The following DLG2 variants were observed in gnomAD, a reference collection of about 807,000 sequenced individuals.
DLG2 encodes disks large homolog 2.
A neutral mutation model predicts 132.5 loss-of-function variants in DLG2; 45 were observed. That is an observed-to-expected ratio of 0.34 (90% CI 0.27 to 0.44). DLG2 has a LOEUF of 0.44. Among genes scored for constraint, DLG2 ranks in the 20% least tolerant of loss-of-function variants. The probability of loss-of-function intolerance (pLI) is 1.00; values close to 1 mark genes in which losing one functional copy is unlikely to be tolerated. For missense variants in DLG2, 1,045 were observed against 1,196.9 expected (o/e 0.87, Z 1.87); for synonymous variants, 424 against 419.6 (o/e 1.01, Z -0.13).
chr11:83,837,206 A>T (rs2056421328), intron 16 of DLG2, among the ~76,000 whole-genome samples: 1 of 152,118 alleles, frequency 6.6e-6, no homozygotes, highest in African/African-American at 2.4e-5. Context: ...GTGGAAGTTA[A>T]GCTTCTTGCT....
At chr11:84,754,596 G>T (rs917071679) in intron 6 of DLG2, among the ~76,000 whole-genome samples, 1 of 152,080 alleles carries the variant, frequency 6.6e-6, no homozygotes, top group Non-Finnish European at 1.5e-5. Context: ...GCAAAACCAC[G>T]GAGATAGCAA....
At chr11:83,573,239 G>C (rs1324557817) in intron 19 of DLG2, among the ~76,000 whole-genome samples, 1 of 152,136 alleles carries the variant, frequency 6.6e-6, no homozygotes, top group East Asian at 1.9e-4. Context: ...GATTACGAAA[G>C]AGCAATTCCA....
At chr11:84,879,550 T>C (rs1388848720) in intron 6 of DLG2, among the ~76,000 whole-genome samples, 1 of 152,034 alleles carries the variant, frequency 6.6e-6, no homozygotes, top group Non-Finnish European at 1.5e-5. Flanking sequence ...AGAGACAGGG[T>C]CAGAGGAAAA....
In DLG2 at chr11:84,169,531, T is replaced by C. The variant is rs191889802; in HGVS notation, c.574-6020A>G. Among the ~76,000 whole-genome samples, 8 of 152,292 alleles carry C rather than the reference T, an allele frequency of 5.3e-5. No individual in the cohort carries two copies. The East Asian group carries it at 9.6e-4, about 18-fold the overall frequency. On this transcript the variant is annotated intron_variant, in intron 8 of 27. Transcript: ENST00000376104. ...AATCTAAGATGCACTGCCTTGTGTATAGGAATTACCTTAGCTTTTGTTCTC... is the reference window on the plus strand; with the variant it reads ...AATCTAAGATGCACTGCCTTGTGTACAGGAATTACCTTAGCTTTTGTTCTC...
chr11:83,581,813 T>C (rs684110), intron 19 of DLG2, among the ~76,000 whole-genome samples: 109,414 of 151,962 alleles, frequency 0.72, 40,055 homozygotes, highest in African/African-American at 0.86. Flanking sequence ...TTATTGGTCC[T>C]AGCATGGAAC....
At chr11:84,037,951 C>G (rs905040919) in intron 11 of DLG2, among the ~76,000 whole-genome samples, 1 of 151,926 alleles carries the variant, frequency 6.6e-6, no homozygotes, top group African/African-American at 2.4e-5. Context: ...CATTTTTAAA[C>G]TTTGTGTTTT....
intron 6 of DLG2, among the ~76,000 whole-genome samples, chr11:84,743,174 TA>T (rs1271188520): frequency 1.3e-5 from 2 of 152,146 alleles, no homozygotes; most frequent in African/African-American, 2.4e-5. Flanking sequence ...ATATTTTACA[TA>T]ACTATAGAAC....
intron 7 of DLG2, among the ~76,000 whole-genome samples, chr11:84,441,736 A>C (rs1257976391): frequency 6.6e-6 from 1 of 152,192 alleles, no homozygotes; most frequent in East Asian, 1.9e-4. Context: ...AATAAAGTAC[A>C]ATCTTTTTCT....
At chr11:85,131,594 A>G (rs1045464591) in intron 5 of DLG2, among the ~76,000 whole-genome samples, 1 of 152,168 alleles carries the variant, frequency 6.6e-6, no homozygotes, top group Non-Finnish European at 1.5e-5. Context: ...TAAGGTATTC[A>G]TCTAATTTAG....
At chr11:83,770,041 C>G (rs1392045784) in intron 18 of DLG2, among the ~76,000 whole-genome samples, 1 of 152,166 alleles carries the variant, frequency 6.6e-6, no homozygotes, top group Non-Finnish European at 1.5e-5. Context: ...ATGACTGTTG[C>G]CTTTTAAAAC....
intron 18 of DLG2, among the ~76,000 whole-genome samples, chr11:83,743,834 C>T (rs548404727): frequency 8.5e-5 from 13 of 152,136 alleles, no homozygotes; most frequent in East Asian, 1.9e-4. Flanking sequence ...GGGGATTACA[C>T]GAATGAAAAC....
At chr11:84,151,207 T>C (rs1391323767) in intron 9 of DLG2, among the ~76,000 whole-genome samples, 1 of 152,044 alleles carries the variant, frequency 6.6e-6, no homozygotes, top group Non-Finnish European at 1.5e-5. Flanking sequence ...TGGCTTTTTT[T>C]TTTTTCTGAT....
intron 6 of DLG2, among the ~76,000 whole-genome samples, chr11:85,025,437 T>C (rs753105108): frequency 6.6e-6 from 1 of 152,224 alleles, no homozygotes; most frequent in Non-Finnish European, 1.5e-5. Flanking sequence ...TAGATGCTAA[T>C]GGTTGTAATT....
At chr11:83,643,505 A>G (rs2067199796) in intron 18 of DLG2, 1 of 152,204 alleles carries the variant, frequency 6.6e-6, no homozygotes. Context: ...CATAGTACCT[A>G]AGACTGCATC....
intron 17 of DLG2, chr11:83,789,867 T>G: frequency 2.0e-6 from 1 of 510,784 alleles, no homozygotes. Flanking sequence ...AAAAGTGAAA[T>G]AGTTATGGCA....
intron 3 of DLG2, among the ~76,000 whole-genome samples, chr11:85,488,385 T>C (rs1181574139): frequency 1.3e-5 from 2 of 150,384 alleles, no homozygotes; most frequent in Non-Finnish European, 3.0e-5. Flanking sequence ...GGAGACTGCG[T>C]CTAAAAAAAA....
intron 18 of DLG2, among the ~76,000 whole-genome samples, chr11:83,687,557 T>G (rs1363813290): frequency 6.6e-6 from 1 of 152,234 alleles, no homozygotes; most frequent in Non-Finnish European, 1.5e-5. Context: ...TATTTTTTCT[T>G]CCTATTGTTT....
At chr11:84,043,124 A>C (rs1383823004) in intron 11 of DLG2, among the ~76,000 whole-genome samples, 1 of 151,368 alleles carries the variant, frequency 6.6e-6, no homozygotes, top group African/African-American at 2.4e-5. Flanking sequence ...TTATTGCTTA[A>C]ATTTATTTAA....
At chr11:83,994,332 G>GA (rs2093901784) in intron 11 of DLG2, among the ~76,000 whole-genome samples, 2 of 152,116 alleles carry the variant, frequency 1.3e-5, no homozygotes, top group African/African-American at 4.8e-5. Context: ...AGGTGGAGGG[G>GA]AAAATAACCC....
Sources: gnomAD v4.1 joint callset for allele counts (sites outside exome capture counted in the v4.1 genomes callset) on GRCh38, gnomAD v4.1.1 for gene constraint, MANE v1.5 for transcripts, NCBI Gene and HGNC (gene_info 2026-07-23, HGNC 2026-07-21) for gene names.